DKK3: variants seen among roughly 807,000 people sequenced by gnomAD.
DKK3 encodes dickkopf Wnt signaling pathway inhibitor 3, also known as dickkopf-related protein 3.
DKK3 carries 22 observed loss-of-function variants against 33.2 expected under a neutral mutation model. The ratio of observed to expected loss-of-function variants is 0.66; its 90% CI spans 0.47 to 0.95. DKK3 has a LOEUF of 0.95. DKK3 is among the 40% of genes least tolerant of loss of function. DKK3 has a pLI of 0.00. For missense variants in DKK3, 398 were observed against 458.4 expected, an observed-to-expected ratio of 0.87 and a Z score of 1.20; for synonymous variants, 194 against 188.8, an observed-to-expected ratio of 1.03 and a Z score of -0.23.
chr11:11,995,314 T>C (rs182605078), intron 3 of DKK3, among the ~76,000 whole-genome samples: 3 of 152,204 alleles, frequency 2.0e-5, no homozygotes, highest in African/African-American at 7.2e-5. Context: ...TGAACTCCTG[T>C]CTTCAAGTGA....
chr11:11,981,553 C>T (rs186781179), intron 3 of DKK3, among the ~76,000 whole-genome samples: 2 of 152,312 alleles, frequency 1.3e-5, no homozygotes, highest in Admixed American at 1.3e-4. Flanking sequence ...AGCCTTCCTG[C>T]TGGGCACTTT....
chr11:11,970,278 AAGAG>A (rs1282353860), intron 3 of DKK3, among the ~76,000 whole-genome samples: 1 of 152,186 alleles, frequency 6.6e-6, no homozygotes, highest in African/African-American at 2.4e-5. Context: ...CAATTGGAAA[AAGAG>A]AGAGAGAAAG....
chr11:11,965,679 G>T, intron 6 of DKK3, 130 bp downstream of exon 6: 2 of 1,189,996 alleles, frequency 1.7e-6, no homozygotes, highest in Non-Finnish European at 2.3e-6. Context: ...ATGACCCAAC[G>T]ACCTCTCAAA....
chr11:11,967,976 G>A (rs1169704780), intron 4 of DKK3, among the ~76,000 whole-genome samples: 1 of 152,110 alleles, frequency 6.6e-6, no homozygotes, highest in African/African-American at 2.4e-5. Context: ...ATTAGGATGG[G>A]TCATCCCCAG....
At position 11,968,389 on chromosome 11, in the gene DKK3, A is replaced by G. The variant is rs1400128352; in HGVS notation, c.528+6T>C. 1 of 1,610,612 alleles carries G rather than the reference A, an allele frequency of 6.2e-7. No individual in the cohort carries two copies. Among genetic ancestry groups the G allele is most frequent in the East Asian group, 2.2e-5 (1 of 44,656 alleles). On this transcript the variant is annotated splice_donor_region_variant and intron_variant, in intron 4 of 6. Transcript: ENST00000683431. ...GCCACAGCCCCAGAGGCCCTGGCAT[A>G]CTCACCATCCTCTGGCCCCGGCATG...
chr11:11,987,477 AC>A (rs1196754234), intron 3 of DKK3, among the ~76,000 whole-genome samples: 4 of 152,208 alleles, frequency 2.6e-5, no homozygotes, highest in African/African-American at 9.6e-5. Flanking sequence ...CAGGGGTGGA[AC>A]ACAGGTTTCA....
intron 1 of DKK3, among the ~76,000 whole-genome samples, chr11:12,007,251 AG>A (rs1290839783): frequency 6.6e-6 from 1 of 152,188 alleles, no homozygotes; most frequent in Admixed American, 6.5e-5. Flanking sequence ...GCTTTGCCCA[AG>A]GGGGATACCA....
At chr11:11,980,728 T>G (rs1847937899) in intron 3 of DKK3, among the ~76,000 whole-genome samples, 1 of 151,030 alleles carries the variant, frequency 6.6e-6, no homozygotes, top group Non-Finnish European at 1.5e-5. Flanking sequence ...AGGGCTGGAG[T>G]GATGAAGAGA....
intron 3 of DKK3, 59 bp downstream of exon 3, chr11:11,998,637 C>T: frequency 6.6e-7 from 1 of 1,507,380 alleles, no homozygotes; most frequent in Non-Finnish European, 9.2e-7. Context: ...CGTTGGCAAA[C>T]TGAATGAAAA....
chr11:11,965,748 C>G (rs371266075), intron 6 of DKK3, 61 bp downstream of exon 6: 2 of 1,577,294 alleles, frequency 1.3e-6, no homozygotes, highest in African/African-American at 1.3e-5. Context: ...CTCCTACGCC[C>G]CTGCTGGATG....
rs114661483 is a variant in DKK3, at chr11:11,968,036, G to A, written c.528+359C>T. ...CTCCTCTCCCTTCCCTCCCCTTCTC[G>A]AACTCCCGGCCTCAATAGATCCTTC... is the stretch of plus-strand genomic sequence containing the variant. On this transcript the variant is annotated intron_variant, in intron 4 of 6. Coordinates refer to ENST00000683431, the MANE Select transcript of DKK3 (RefSeq NM_001018057.2). 4.5e-3 allele frequency among the ~76,000 whole-genome samples: 691 copies of A among 152,156 alleles called. 6 individuals carry two copies. Among genetic ancestry groups the A allele is most frequent in the African/African-American group, 0.016 (647 of 41,498 alleles).
At chr11:11,974,309 C>G (rs1847787683) in intron 3 of DKK3, among the ~76,000 whole-genome samples, 1 of 152,260 alleles carries the variant, frequency 6.6e-6, no homozygotes, top group African/African-American at 2.4e-5. Context: ...CTCGGATCCT[C>G]ACAGCCACCC....
intron 3 of DKK3, among the ~76,000 whole-genome samples, chr11:11,984,768 C>T (rs1243416295): frequency 6.6e-6 from 1 of 152,018 alleles, no homozygotes; most frequent in East Asian, 1.9e-4. Flanking sequence ...CCTGGCAGGG[C>T]TGCTGGGTGG....
chr11:11,992,537 A>C (rs545005441), intron 3 of DKK3, among the ~76,000 whole-genome samples: 1 of 152,286 alleles, frequency 6.6e-6, no homozygotes, highest in Admixed American at 6.5e-5. Flanking sequence ...TGAGCACTCA[A>C]ATGTTCCTGC....
At chr11:12,009,453 C>T (rs550075255), upstream of DKK3, 2,587 of 930,194 alleles carry the variant, frequency 2.8e-3, 7 homozygotes, top group Non-Finnish European at 3.2e-3. Flanking sequence ...GCCGGGGCGC[C>T]GGCCACCTCA....
chr11:12,008,455 TC>T lies in DKK3; in HGVS notation c.127del (p.Glu43ArgfsTer15), dbSNP rs775855247. The stretch of plus-strand genomic sequence containing the variant: ...GAACATCTCATTGAGGGTGGCCTCC[TC>T]CTGCGGGTAGCTGAGAGCCGGGCCG... ...KPGPALSYPQ[E>X]EATLNEMFRE... On this transcript the variant is annotated frameshift_variant, in exon 1 of 7. Transcript: ENST00000683431. LOFTEE classifies it high-confidence loss of function. The surrounding 1 kb of genome is among the most constrained non-coding windows in gnomAD (Gnocchi z 4.6). 7 of 1,610,050 alleles carry T rather than the reference TC, an allele frequency of 4.3e-6. No homozygotes were observed. The highest frequency in any genetic ancestry group is 1.3e-5 in the African/African-American group (1 of 74,828).
At chr11:11,993,682 T>C (rs567547042) in intron 3 of DKK3, among the ~76,000 whole-genome samples, 19 of 152,340 alleles carry the variant, frequency 1.2e-4, no homozygotes, top group Non-Finnish European at 2.2e-4. Context: ...ATAATGCAAG[T>C]GGGCCTTATA....
chr11:11,998,335 G>C (rs1239631349), intron 3 of DKK3: 1 of 349,996 alleles, frequency 2.9e-6, no homozygotes, highest in Non-Finnish European at 5.3e-6. Flanking sequence ...GATTACAAAA[G>C]GGGTAGCCAT....
intron 3 of DKK3, chr11:11,998,491 T>C (rs1345007035): frequency 1.6e-6 from 1 of 629,608 alleles, no homozygotes; most frequent in African/African-American, 1.8e-5. Flanking sequence ...CTGTTGTTTC[T>C]GATGCCAAGT....
Sources: allele counts gnomAD v4.1 joint callset (sites outside exome capture counted in the v4.1 genomes callset), GRCh38; gene constraint gnomAD v4.1.1; non-coding constraint Gnocchi (gnomAD v3.1); transcripts MANE v1.5; gene names NCBI Gene and HGNC (gene_info 2026-07-23, HGNC 2026-07-21).